Variants in DISP1 observed in about 807,000 individuals in gnomAD.
DISP1 encodes the protein protein dispatched homolog 1.
In DISP1, 30 loss-of-function variants were observed where a neutral mutation model predicts 37.3. That is an observed-to-expected ratio of 0.80 (90% CI 0.60 to 1.09). The LOEUF (loss-of-function observed/expected upper bound fraction) is 1.09. Ranked by LOEUF, DISP1 falls within the 50% of genes least tolerant of loss-of-function variation. The pLI, the probability that DISP1 is intolerant of heterozygous loss-of-function variation, is 0.00. For synonymous variants in DISP1, 634 were observed against 690.2 expected, an observed-to-expected ratio of 0.92 and a Z score of 1.28; for missense variants, 1,598 against 1,879.5, an observed-to-expected ratio of 0.85 and a Z score of 2.77.
In DISP1 at chr1:222,943,377, C is replaced by T. The variant is rs199848220; in HGVS notation, c.509+45C>T. On this transcript the variant is annotated intron_variant, in intron 3 of 8. Coordinates refer to ENST00000675850, the MANE Select transcript of DISP1 (RefSeq NM_001377229.1). ...TGCTTTTAGCATTCAACTAATGCCA[C>T]GTGAACATGACAGCTTGTGTTTATT... 1.5e-5 allele frequency: 24 copies of T among 1,611,552 alleles called. No homozygotes were observed. The East Asian group carries it at 3.1e-4, about 21-fold the overall frequency.
At chr1:222,950,227 G>T (rs899595369) in intron 3 of DISP1, among the ~76,000 whole-genome samples, 1 of 152,056 alleles carries the variant, frequency 6.6e-6, no homozygotes, top group Non-Finnish European at 1.5e-5. Flanking sequence ...GAAGGGACTC[G>T]AGGAGGCAAA....
chr1:222,854,229 C>T (rs1216421282), intron 1 of DISP1, among the ~76,000 whole-genome samples: 1 of 152,192 alleles, frequency 6.6e-6, no homozygotes, highest in Non-Finnish European at 1.5e-5. Context: ...AGTCCGTTCT[C>T]ATGCTGCTGT....
intron 1 of DISP1, among the ~76,000 whole-genome samples, chr1:222,920,326 G>A (rs1323851038): frequency 6.6e-6 from 1 of 152,130 alleles, no homozygotes; most frequent in Non-Finnish European, 1.5e-5. Flanking sequence ...ATTACATTTT[G>A]AAATGCTGTA....
intron 3 of DISP1, among the ~76,000 whole-genome samples, chr1:222,958,182 T>C (rs1675765419): frequency 6.7e-6 from 1 of 149,608 alleles, no homozygotes; most frequent in Admixed American, 6.6e-5. Flanking sequence ...TATAAATACA[T>C]GCACACAGCA....
intron 1 of DISP1, among the ~76,000 whole-genome samples, chr1:222,920,563 A>G (rs981555303): frequency 5.3e-5 from 8 of 152,190 alleles, no homozygotes; most frequent in Admixed American, 3.9e-4. Flanking sequence ...ACTCTTGTTA[A>G]AGACAAAATG....
intron 3 of DISP1, among the ~76,000 whole-genome samples, chr1:222,970,848 CAG>C (rs1676889153): frequency 6.6e-6 from 1 of 152,060 alleles, no homozygotes; most frequent in African/African-American, 2.4e-5. Context: ...GAGTTGCAAA[CAG>C]AATCTACACC....
chr1:222,906,791 A>G (rs1221426625), intron 1 of DISP1, among the ~76,000 whole-genome samples: 1 of 152,234 alleles, frequency 6.6e-6, no homozygotes, highest in Non-Finnish European at 1.5e-5. Flanking sequence ...GAGAGTAGCC[A>G]TTCTTTGATT....
intron 4 of DISP1, among the ~76,000 whole-genome samples, chr1:222,988,418 G>C (rs1004937671): frequency 2.6e-5 from 4 of 152,128 alleles, no homozygotes; most frequent in Non-Finnish European, 5.9e-5. Context: ...TTGTGACATT[G>C]AATAAGTTCT....
chr1:222,855,029 G>A (rs886773075), intron 1 of DISP1, among the ~76,000 whole-genome samples: 2 of 152,106 alleles, frequency 1.3e-5, no homozygotes, highest in Admixed American at 1.3e-4. Context: ...AAGGGCAGGG[G>A]TCTTATCCCC....
rs572625114 is a variant in DISP1, at chr1:222,959,671, G to A, written c.509+16339G>A. On this transcript the variant is annotated intron_variant, in intron 3 of 8. Transcript: ENST00000675850. ...ACCGAGACTGTGCCATTGCACTCCA[G>A]CCTGGGCAACAAGAGCAAAACTCTG... is the stretch of plus-strand genomic sequence containing the variant. 1.5e-4 allele frequency among the ~76,000 whole-genome samples: 21 copies of A among 138,800 alleles called. No individual in the cohort carries two copies. In the East Asian group the frequency reaches 4.4e-3, roughly 29 times the overall value. 91.1% of individuals were successfully genotyped at this position (138,800 alleles called of 152,430 possible).
intron 3 of DISP1, among the ~76,000 whole-genome samples, chr1:222,967,992 C>T (rs566301194): frequency 2.9e-4 from 44 of 152,202 alleles, no homozygotes; most frequent in African/African-American, 9.2e-4. Flanking sequence ...AACCCATTCT[C>T]GAAAAGGGAA....
intron 2 of DISP1, among the ~76,000 whole-genome samples, chr1:222,936,780 TATATA>T (rs1558339699): frequency 1.4e-5 from 1 of 72,072 alleles, no homozygotes; most frequent in African/African-American, 5.4e-5. Flanking sequence ...ATATATATCA[TATATA>T]ATATATATAA....
intron 2 of DISP1, among the ~76,000 whole-genome samples, chr1:222,940,878 A>C (rs1397226149): frequency 1.3e-5 from 2 of 152,198 alleles, no homozygotes; most frequent in Non-Finnish European, 2.9e-5. Flanking sequence ...AATTCTGGGA[A>C]ATAATTACAT....
At chr1:222,978,370 T>A (rs1320849651) in intron 3 of DISP1, among the ~76,000 whole-genome samples, 2 of 152,130 alleles carry the variant, frequency 1.3e-5, no homozygotes, top group Non-Finnish European at 2.9e-5. Context: ...GATGGGGTTG[T>A]TTGTTTTTTC....
chr1:222,992,099 G>C lies in DISP1; in HGVS notation c.878G>C (p.Cys293Ser). Residue 293 changes from cysteine to serine, a missense_variant, in exon 7 of 9, where the codon TGC becomes TCC. Physicochemically the swap from Cys to Ser is moderately radical, Grantham distance 112. Transcript: ENST00000675850. ...DWNFHKDSFF[C>S]DVPSDRYSRV... ...AACTTCCACAAGGACAGCTTTTTCT[G>C]CGACGTTCCAAGTGAGTGACATTGT... 2 of 1,613,292 alleles carry C rather than the reference G, an allele frequency of 1.2e-6. No homozygotes were observed. The highest frequency in any genetic ancestry group is 1.7e-6 in the Non-Finnish European group (2 of 1,179,304).
chr1:222,905,680 A>G (rs1478123226), intron 1 of DISP1, among the ~76,000 whole-genome samples: 1 of 152,138 alleles, frequency 6.6e-6, no homozygotes, highest in Non-Finnish European at 1.5e-5. Flanking sequence ...GTCAAGCTTT[A>G]ATAAAATTAT....
At chr1:222,969,913 A>G (rs936180967) in intron 3 of DISP1, among the ~76,000 whole-genome samples, 1 of 152,162 alleles carries the variant, frequency 6.6e-6, no homozygotes, top group Non-Finnish European at 1.5e-5. Context: ...TTCCTCATTA[A>G]AGCTTTCCTC....
intron 3 of DISP1, among the ~76,000 whole-genome samples, chr1:222,976,494 G>A (rs1677339583): frequency 6.6e-6 from 1 of 152,066 alleles, no homozygotes; most frequent in Admixed American, 6.6e-5. Context: ...ACGTCCATTT[G>A]TATAGAAACT....
intron 3 of DISP1, among the ~76,000 whole-genome samples, chr1:222,969,197 C>T (rs1676734791): frequency 1.3e-5 from 2 of 151,304 alleles, no homozygotes; most frequent in South Asian, 4.2e-4. Context: ...ACAGTGAAAC[C>T]CCATCTCTAG....
Sources: gnomAD v4.1 joint callset for allele counts (sites outside exome capture counted in the v4.1 genomes callset) on GRCh38, gnomAD v4.1.1 for gene constraint, MANE v1.5 for transcripts, NCBI Gene and HGNC (gene_info 2026-07-23, HGNC 2026-07-21) for gene names.